Variants in SLC43A2 observed in about 807,000 individuals in gnomAD.
The protein encoded by SLC43A2 is large neutral amino acids transporter small subunit 4.
Under a neutral mutation model 63.2 loss-of-function variants are expected in SLC43A2, and 38 were observed. That is an observed-to-expected ratio of 0.60 (90% CI 0.46 to 0.79). SLC43A2 has a LOEUF of 0.79. Ranked by LOEUF, SLC43A2 falls within the 30% of genes least tolerant of loss-of-function variation. SLC43A2 has a pLI of 0.00. For synonymous variants in SLC43A2, 322 were observed against 331.0 expected (o/e 0.97, Z 0.30); for missense variants, 644 against 756.2 (o/e 0.85, Z 1.74).
Position 1,591,591 on chromosome 17 carries a change from G to A in SLC43A2, c.703C>T (p.Pro235Ser). The change falls in exon 7 of 14, where the codon CCG becomes TCG. Residue 235 changes from proline to serine, a missense_variant. Around this residue, in one of 3 missense-constraint regions of SLC43A2, gnomAD observed 528 missense variants for 623.6 expected, o/e 0.85. Coordinates refer to ENST00000301335, the MANE Select transcript of SLC43A2 (RefSeq NM_152346.3). ...CFFNWPLEPF[P>S]GPEDMDYSVK... ...GAGTAGTCCATGTCCTCCGGCCCCG[G>A]GAAGGGCTCAAGGGGCCAGTTAAAG... The A allele has an allele frequency of 6.5e-7, 1 of 1,549,878 alleles. No homozygotes were observed. The highest frequency in any genetic ancestry group is 1.8e-4 in the Middle Eastern group (1 of 5,464).
At position 1,580,412 on chromosome 17, in the gene SLC43A2, C is replaced by T. The variant is rs112777629; in HGVS notation, c.1351-2089G>A. 9.2e-5 allele frequency among the ~76,000 whole-genome samples: 14 copies of T among 152,362 alleles called. No homozygotes were observed. In the South Asian group the frequency reaches 1.7e-3, roughly 18 times the overall value. ...GCACTGAGCAAGAGGTTGCTGACCA[C>T]GGCCTCGAGCTGCCTTTGCCCACCT... is the stretch of plus-strand genomic sequence containing the variant. On this transcript the variant is annotated intron_variant, in intron 11 of 13. Coordinates refer to ENST00000301335, the MANE Select transcript of SLC43A2 (RefSeq NM_152346.3).
At chr17:1,629,993 G>A (rs1326712573), upstream of SLC43A2, among the ~76,000 whole-genome samples, 1 of 152,226 alleles carries the variant, frequency 6.6e-6, no homozygotes, top group Admixed American at 6.5e-5. Context: ...GAATCCCAGC[G>A]GTTTGGGAGG....
chr17:1,585,409 T>C, intron 10 of SLC43A2: 1 of 335,118 alleles, frequency 3.0e-6, no homozygotes, highest in Non-Finnish European at 5.1e-6. Flanking sequence ...CGCACCTGGC[T>C]AATTTTTTGT....
chr17:1,607,979 G>A (rs1431101479), intron 5 of SLC43A2, among the ~76,000 whole-genome samples: 1 of 152,096 alleles, frequency 6.6e-6, no homozygotes, highest in African/African-American at 2.4e-5. Flanking sequence ...GCCTCCCAAA[G>A]TGCTGGGGTT....
At chr17:1,611,772 C>T (rs1907128083) in intron 5 of SLC43A2, among the ~76,000 whole-genome samples, 1 of 152,150 alleles carries the variant, frequency 6.6e-6, no homozygotes, top group Non-Finnish European at 1.5e-5. Context: ...GGTACTGTGT[C>T]TTAGAAACTT....
chr17:1,611,373 G>A (rs1204818377), intron 5 of SLC43A2, among the ~76,000 whole-genome samples: 3 of 152,082 alleles, frequency 2.0e-5, no homozygotes, highest in Non-Finnish European at 4.4e-5. Flanking sequence ...CGTGGCTCAC[G>A]CCTGTCATCC....
intron 5 of SLC43A2, among the ~76,000 whole-genome samples, chr17:1,597,087 A>T (rs905829440): frequency 6.6e-6 from 1 of 152,072 alleles, no homozygotes; most frequent in African/African-American, 2.4e-5. Context: ...ATGGTGGAAC[A>T]TGCCTGTAAT....
At chr17:1,586,472 G>A (rs1486714945) in intron 9 of SLC43A2, among the ~76,000 whole-genome samples, 1 of 152,062 alleles carries the variant, frequency 6.6e-6, no homozygotes, top group Non-Finnish European at 1.5e-5. Context: ...CGAGGTGGGC[G>A]GATCACGAGG....
rs758983341 is a variant in SLC43A2, at chr17:1,577,723, C to T, written c.1424+527G>A. On this transcript the variant is annotated intron_variant, in intron 12 of 13. Transcript: ENST00000301335. This position sits in a 1 kb window ranked among gnomAD's most constrained non-coding sequence, Gnocchi z 4.9. The stretch of plus-strand genomic sequence containing the variant: ...GGTTCCTTTTATGTTTCTGGGGCTT[C>T]TTGGAAAAAGATACAGGTTTCATTT... 2.0e-5 allele frequency among the ~76,000 whole-genome samples: 3 copies of T among 152,186 alleles called. No individual in the cohort carries two copies. The highest frequency in any genetic ancestry group is 4.4e-5 in the Non-Finnish European group (3 of 68,024).
chr17:1,604,771 T>A (rs1207166224), intron 5 of SLC43A2: 1 of 1,535,790 alleles, frequency 6.5e-7, no homozygotes, highest in Admixed American at 2.0e-5. Context: ...GACCTCCCCA[T>A]GGTCCAGCGC....
At chr17:1,599,073 G>A (rs1905620252) in intron 5 of SLC43A2, among the ~76,000 whole-genome samples, 2 of 152,216 alleles carry the variant, frequency 1.3e-5, no homozygotes, top group African/African-American at 2.4e-5. Context: ...CCTGGGCTGG[G>A]CGCGGTGGCT....
At chr17:1,599,361 T>G (rs978276344) in intron 5 of SLC43A2, among the ~76,000 whole-genome samples, 5 of 151,012 alleles carry the variant, frequency 3.3e-5, no homozygotes, top group African/African-American at 1.2e-4. Flanking sequence ...GAAAAGCATA[T>G]CCATTGCAAA....
At chr17:1,580,137 C>T (rs907786417) in intron 11 of SLC43A2, among the ~76,000 whole-genome samples, 7 of 152,144 alleles carry the variant, frequency 4.6e-5, no homozygotes, top group Non-Finnish European at 5.9e-5. Context: ...AGGCTGGTCT[C>T]GAACTCCTGA....
chr17:1,612,418 G>A (rs1318116801), intron 5 of SLC43A2, among the ~76,000 whole-genome samples: 1 of 152,146 alleles, frequency 6.6e-6, no homozygotes, highest in Non-Finnish European at 1.5e-5. Flanking sequence ...GCCCGGGCAC[G>A]GAGGAAACAA....
rs181973392 is a variant in SLC43A2, at chr17:1,604,105, A to G, written c.501+9090T>C. On this transcript the variant is annotated intron_variant, in intron 5 of 13. Transcript: ENST00000301335. ...GCCAAGGCTACAGTGCAGCAGCACA[A>G]TCTCAGCTCACTTCAAGCTCCACCT... Among the ~76,000 whole-genome samples the G allele has an allele frequency of 2.8e-3, 423 of 152,302 alleles. 1 individual carries two copies. The highest frequency in any genetic ancestry group is 6.8e-3 in the Middle Eastern group (2 of 294).
At chr17:1,599,300 A>G (rs1905664241) in intron 5 of SLC43A2, among the ~76,000 whole-genome samples, 1 of 152,056 alleles carries the variant, frequency 6.6e-6, no homozygotes, top group Non-Finnish European at 1.5e-5. Flanking sequence ...AGATCATGCC[A>G]CTGCACTCCA....
chr17:1,609,677 G>C (rs1906921141), intron 5 of SLC43A2, among the ~76,000 whole-genome samples: 1 of 152,126 alleles, frequency 6.6e-6, no homozygotes, highest in African/African-American at 2.4e-5. Context: ...CCATTAGTTG[G>C]AAACAGGTTG....
chr17:1,620,876 C>T (rs1031708782), intron 2 of SLC43A2, among the ~76,000 whole-genome samples: 3 of 152,058 alleles, frequency 2.0e-5, no homozygotes, highest in Admixed American at 6.6e-5. Flanking sequence ...AGTGCCAAGG[C>T]GTGGGGTGGC....
intron 9 of SLC43A2, among the ~76,000 whole-genome samples, chr17:1,589,100 C>T (rs910064398): frequency 2.9e-4 from 44 of 152,234 alleles, no homozygotes; most frequent in African/African-American, 1.0e-3. Flanking sequence ...CCTCGTCTGC[C>T]ACAGACCAAC....
Sources: allele counts gnomAD v4.1 joint callset (sites outside exome capture counted in the v4.1 genomes callset), GRCh38; gene constraint gnomAD v4.1.1; regional missense constraint gnomAD v4.1.1; non-coding constraint Gnocchi (gnomAD v3.1); transcripts MANE v1.5; gene names NCBI Gene and HGNC (gene_info 2026-07-23, HGNC 2026-07-21).